EDC3: variants seen among roughly 807,000 people sequenced by gnomAD.
EDC3 encodes enhancer of mRNA-decapping protein 3.
In EDC3, 20 loss-of-function variants were observed where a neutral mutation model predicts 41.8. The observed-to-expected ratio is 0.48, with a 90% confidence interval of 0.34 to 0.70. The LOEUF (loss-of-function observed/expected upper bound fraction) is 0.70, where lower values mean the gene tolerates loss of function less well. Ranked by LOEUF, EDC3 falls within the 30% of genes least tolerant of loss-of-function variation. The pLI is 0.01. For synonymous variants in EDC3, 206 were observed against 243.2 expected (o/e 0.85, Z 1.42); for missense variants, 444 against 636.8 (o/e 0.70, Z 3.26).
In EDC3 at chr15:74,684,147, C is replaced by T. The variant is rs367602060; in HGVS notation, c.-18-9005G>A. Among the ~76,000 whole-genome samples, 225 of 144,874 alleles carry T rather than the reference C, an allele frequency of 1.6e-3. 1 individual carries two copies. Among genetic ancestry groups the T allele is most frequent in the African/African-American group, 5.4e-3 (210 of 38,664 alleles). On this transcript the variant is annotated intron_variant, in intron 1 of 6. Coordinates refer to ENST00000315127, the MANE Select transcript of EDC3 (RefSeq NM_025083.5). Reference sequence around the variant, plus strand: ...TGGGCTCCTGGGCTCAGGTGATCCTCCCGCCTCAGCCTCCTGAGTAGCTGG... The same window carrying T: ...TGGGCTCCTGGGCTCAGGTGATCCTTCCGCCTCAGCCTCCTGAGTAGCTGG...
Position 74,631,304 on chromosome 15 carries a change from C to G in EDC3, c.*1308G>C, listed in dbSNP as rs923375815. The G allele has an allele frequency of 1.2e-4, 18 of 152,354 alleles. No homozygotes were observed. Among genetic ancestry groups the G allele is most frequent in the African/African-American group, 4.1e-4 (17 of 41,460 alleles). The allele number at this position is 152,354 out of a possible 1,614,324, so 9.4% of individuals were successfully genotyped here. A position where few individuals can be genotyped will look rare whatever the true frequency, so the allele number is the denominator to read the frequency against. On this transcript the variant is annotated 3_prime_UTR_variant, in exon 7 of 7. Coordinates refer to ENST00000315127, the MANE Select transcript of EDC3 (RefSeq NM_025083.5). ...CTGGGCAGACACAGAGCAGAAGCAG[C>G]CTGAAGCCCTGAAGCAGGCTTAAAC...
At chr15:74,651,495 G>A (rs547089510) in intron 4 of EDC3, among the ~76,000 whole-genome samples, 1 of 152,360 alleles carries the variant, frequency 6.6e-6, no homozygotes. Context: ...AGAGGAGTAT[G>A]AGCAATTAGT....
At chr15:74,656,893 T>C (rs1596313792) in intron 3 of EDC3, among the ~76,000 whole-genome samples, 1 of 152,200 alleles carries the variant, frequency 6.6e-6, no homozygotes, top group Admixed American at 6.5e-5. Flanking sequence ...TTCAGAGGGA[T>C]AGCTTGACTG....
intron 1 of EDC3, among the ~76,000 whole-genome samples, chr15:74,689,556 G>C (rs1334289110): frequency 6.7e-6 from 1 of 149,186 alleles, no homozygotes. Context: ...ACGGAGTCTC[G>C]CTCTTTCGCC....
intron 4 of EDC3, chr15:74,642,522 A>T (rs2062366595): frequency 6.6e-6 from 1 of 152,258 alleles, no homozygotes; most frequent in Admixed American, 6.5e-5. Flanking sequence ...AGCCACGAAC[A>T]ACTCAAACCT....
rs1366708630 is a variant in EDC3 at position 74,671,521 on chromosome 15, T to C, written c.418A>G (p.Ser140Gly). Reference protein sequence around the residue: ...VSPQQQQCSKSYVDRHMESLS... With the variant: ...VSPQQQQCSKGYVDRHMESLS... ...GATTCCATGTGCCTGTCGACATAGC[T>C]CTTTGAGCACTGTTGCTGCTGCGGG... The change falls in exon 3 of 7, where the codon AGC becomes GGC. Residue 140 changes from serine to glycine, a missense_variant. Ser to Gly is a moderately conservative substitution (Grantham distance 56). Transcript: ENST00000315127. This position sits in a 1 kb window ranked among gnomAD's most constrained non-coding sequence, Gnocchi z 4.6. 2 of 1,614,208 alleles carry C rather than the reference T, an allele frequency of 1.2e-6. No homozygotes were observed.
chr15:74,654,465 C>T (rs1334684705), intron 4 of EDC3, among the ~76,000 whole-genome samples: 1 of 152,192 alleles, frequency 6.6e-6, no homozygotes, highest in Non-Finnish European at 1.5e-5. Flanking sequence ...CAGATGATAA[C>T]TGCCTTTGAA....
At chr15:74,688,396 C>G (rs892930922) in intron 1 of EDC3, among the ~76,000 whole-genome samples, 38 of 152,294 alleles carry the variant, frequency 2.5e-4, no homozygotes, top group African/African-American at 8.4e-4. Context: ...TAAGTGTACA[C>G]CTCCCTGAAA....
intron 4 of EDC3, 197 bp from the exon 5 acceptor site, chr15:74,640,816 A>T: frequency 1.6e-6 from 1 of 634,240 alleles, no homozygotes; most frequent in Non-Finnish European, 2.7e-6. Flanking sequence ...CCAAGTAACA[A>T]CTTGTTCCAG....
intron 3 of EDC3, among the ~76,000 whole-genome samples, chr15:74,669,440 A>C (rs1037359440): frequency 6.6e-6 from 1 of 150,976 alleles, no homozygotes; most frequent in Non-Finnish European, 1.5e-5. Context: ...TGAACATGGG[A>C]GGTGGAGGTT....
At chr15:74,657,694 C>T (rs1042848046) in intron 3 of EDC3, among the ~76,000 whole-genome samples, 3 of 152,162 alleles carry the variant, frequency 2.0e-5, no homozygotes, top group African/African-American at 7.2e-5. Context: ...TCTATGCTTA[C>T]CCAGCAAGCA....
intron 1 of EDC3, among the ~76,000 whole-genome samples, chr15:74,680,296 C>T (rs1455586048): frequency 6.6e-6 from 1 of 150,568 alleles, no homozygotes; most frequent in African/African-American, 2.4e-5. Flanking sequence ...ATTTATACAC[C>T]ACACCCAGGT....
At chr15:74,670,894 T>C (rs965757905) in intron 3 of EDC3, among the ~76,000 whole-genome samples, 3 of 152,186 alleles carry the variant, frequency 2.0e-5, no homozygotes, top group Admixed American at 6.5e-5. Flanking sequence ...ACAGAGATGT[T>C]TGGATCAGTC....
chr15:74,635,367 G>C (rs746424124), intron 6 of EDC3, 42 bp downstream of exon 6: 1 of 1,583,940 alleles, frequency 6.3e-7, no homozygotes, highest in Non-Finnish European at 8.7e-7. Context: ...AAACTGCTAA[G>C]GAGGGAGGAG....
chr15:74,638,018 A>C (rs2062295400), intron 5 of EDC3: 1 of 152,250 alleles, frequency 6.6e-6, no homozygotes, highest in East Asian at 1.9e-4. Context: ...TTTACCGAAA[A>C]ATCCAACAGG....
At chr15:74,648,925 C>T (rs1210062513) in intron 4 of EDC3, among the ~76,000 whole-genome samples, 5 of 152,108 alleles carry the variant, frequency 3.3e-5, no homozygotes, top group Non-Finnish European at 7.4e-5. Context: ...GAATTCTAGT[C>T]ATTTTTTTTA....
At chr15:74,685,911 G>A (rs925225775) in intron 1 of EDC3, among the ~76,000 whole-genome samples, 1 of 152,142 alleles carries the variant, frequency 6.6e-6, no homozygotes, top group Non-Finnish European at 1.5e-5. Context: ...AGTATGTCCT[G>A]ACTGAGTGTG....
At chr15:74,668,715 G>A (rs1555455845) in intron 3 of EDC3, among the ~76,000 whole-genome samples, 1 of 76,432 alleles carries the variant, frequency 1.3e-5, no homozygotes, top group Non-Finnish European at 2.1e-5. Context: ...GCAAGACCCT[G>A]TCTCAAAAAT....
chr15:74,686,394 G>A (rs11858916), intron 1 of EDC3, among the ~76,000 whole-genome samples: 5,110 of 152,026 alleles, frequency 0.034, 299 homozygotes, highest in African/African-American at 0.12. Context: ...GGCTGAGGCA[G>A]GGGAGTCACT....
Sources: allele counts gnomAD v4.1 joint callset (sites outside exome capture counted in the v4.1 genomes callset), GRCh38; gene constraint gnomAD v4.1.1; non-coding constraint Gnocchi (gnomAD v3.1); transcripts MANE v1.5; gene names NCBI Gene and HGNC (gene_info 2026-07-23, HGNC 2026-07-21).